The following GAREM1 variants were observed in gnomAD, a reference collection of about 807,000 sequenced individuals.
The protein encoded by GAREM1 is GRB2 associated regulator of MAPK1 subtype 1.
GAREM1 carries 26 observed loss-of-function variants against 71.3 expected under a neutral mutation model. That is an observed-to-expected ratio of 0.36 (90% CI 0.27 to 0.51). The LOEUF is 0.51. Ranked by LOEUF, GAREM1 falls within the 20% of genes least tolerant of loss-of-function variation. The pLI is 0.95. For synonymous variants in GAREM1, 440 were observed against 433.2 expected, an observed-to-expected ratio of 1.02 and a Z score of -0.20; for missense variants, 1,026 against 1,103.1, an observed-to-expected ratio of 0.93 and a Z score of 0.99.
At chr18:32,381,293 C>A (rs893181135) in intron 2 of GAREM1, among the ~76,000 whole-genome samples, 7 of 148,788 alleles carry the variant, frequency 4.7e-5, no homozygotes, top group African/African-American at 1.8e-4. Flanking sequence ...CAAAAGATAA[C>A]AAAGAGGTTT....
At chr18:32,433,456 AAAG>A (rs2048643785) in intron 1 of GAREM1, among the ~76,000 whole-genome samples, 1 of 151,832 alleles carries the variant, frequency 6.6e-6, no homozygotes. Flanking sequence ...ACAAAAAAAA[AAAG>A]AAATTAAAAA....
At chr18:32,463,087 CA>C (rs35362243) in intron 1 of GAREM1, among the ~76,000 whole-genome samples, 54,122 of 148,036 alleles carry the variant, frequency 0.37, 10,000 homozygotes, top group African/African-American at 0.44. Context: ...GTTCCCACTA[CA>C]AAAAAAAAAG....
intron 1 of GAREM1, among the ~76,000 whole-genome samples, chr18:32,463,721 C>T (rs2048973390): frequency 6.6e-6 from 1 of 151,796 alleles, no homozygotes; most frequent in Non-Finnish European, 1.5e-5. Flanking sequence ...AGGCACATGC[C>T]ACCACACCCA....
rs1055499679 is a variant in GAREM1 at position 32,350,681 on chromosome 18, G to A, written c.263-40358C>T. Reference sequence around the variant, plus strand: ...TGCCAAGTAAACTCTTGAAGGTTACGAATCACTTTAAAATTCTTAAAGTGT... The same window carrying A: ...TGCCAAGTAAACTCTTGAAGGTTACAAATCACTTTAAAATTCTTAAAGTGT... On this transcript the variant is annotated intron_variant, in intron 2 of 5. Coordinates refer to ENST00000269209, the MANE Select transcript of GAREM1 (RefSeq NM_001242409.2). 6.6e-5 allele frequency among the ~76,000 whole-genome samples: 10 copies of A among 152,220 alleles called. No individual in the cohort carries two copies. In the South Asian group the frequency reaches 1.2e-3, roughly 19 times the overall value.
intron 1 of GAREM1, among the ~76,000 whole-genome samples, chr18:32,460,378 A>T (rs768552189): frequency 2.0e-5 from 3 of 152,256 alleles, no homozygotes; most frequent in Non-Finnish European, 4.4e-5. Flanking sequence ...GGTATTTATT[A>T]AACAACCATA....
chr18:32,318,220 A>G (rs1334690542), intron 2 of GAREM1, among the ~76,000 whole-genome samples: 1 of 152,212 alleles, frequency 6.6e-6, no homozygotes, highest in Non-Finnish European at 1.5e-5. Flanking sequence ...TGGAAGCTAT[A>G]TTTCATGATG....
At chr18:32,270,899 T>TTTG (rs1280457769) in intron 4 of GAREM1, among the ~76,000 whole-genome samples, 1 of 78,304 alleles carries the variant, frequency 1.3e-5, no homozygotes, top group Non-Finnish European at 2.5e-5. Flanking sequence ...TCAGGGATGT[T>TTTG]TTTTTTTTTT....
At chr18:32,270,171 T>TG in intron 5 of GAREM1, 46 bp downstream of exon 5, 2 of 1,595,286 alleles carry the variant, frequency 1.3e-6, no homozygotes, top group Non-Finnish European at 1.7e-6. Context: ...CATGAACTGG[T>TG]GGATGAGAAG....
chr18:32,343,481 G>A (rs1233713965), intron 2 of GAREM1, among the ~76,000 whole-genome samples: 1 of 151,672 alleles, frequency 6.6e-6, no homozygotes, highest in Admixed American at 6.6e-5. Context: ...TTGTATCTGT[G>A]GTAGAGACTG....
intron 1 of GAREM1, among the ~76,000 whole-genome samples, chr18:32,416,504 G>A (rs933053704): frequency 6.6e-6 from 1 of 152,054 alleles, no homozygotes; most frequent in African/African-American, 2.4e-5. Context: ...AAAACAGCAT[G>A]GTACTGGCAT....
chr18:32,437,029 G>T (rs1457898482), intron 1 of GAREM1, among the ~76,000 whole-genome samples: 1 of 152,060 alleles, frequency 6.6e-6, no homozygotes, highest in Non-Finnish European at 1.5e-5. Context: ...TTTAACACAG[G>T]TAGAGAGAAA....
At chr18:32,324,575 A>G (rs2047457986) in intron 2 of GAREM1, among the ~76,000 whole-genome samples, 2 of 152,248 alleles carry the variant, frequency 1.3e-5, no homozygotes, top group African/African-American at 4.8e-5. Context: ...TGGAGTATAG[A>G]GCACACACAG....
intron 2 of GAREM1, among the ~76,000 whole-genome samples, chr18:32,361,528 A>C (rs1331748004): frequency 6.6e-6 from 1 of 152,228 alleles, no homozygotes; most frequent in African/African-American, 2.4e-5. Flanking sequence ...CATCTGGTGC[A>C]GAGGCGAACT....
Position 32,452,853 on chromosome 18 carries a change from G to GTTTT in GAREM1, c.121+17451_121+17454dup, listed in dbSNP as rs34771430. On this transcript the variant is annotated intron_variant, in intron 1 of 5. Coordinates refer to ENST00000269209, the MANE Select transcript of GAREM1 (RefSeq NM_001242409.2). ...GGGGTTTTATACTTATAACTTCTAC[G>GTTTT]TTTTTTTTTTTTTAAGAAACTTGGC... Among the ~76,000 whole-genome samples, 4 of 147,272 alleles carry GTTTT rather than the reference G, an allele frequency of 2.7e-5. No individual in the cohort carries two copies. In the East Asian group the frequency reaches 8.0e-4, roughly 29 times the overall value.
chr18:32,298,610 G>A (rs1478156721), intron 3 of GAREM1, among the ~76,000 whole-genome samples: 2 of 152,114 alleles, frequency 1.3e-5, no homozygotes, highest in African/African-American at 4.8e-5. Flanking sequence ...CCATGGTCAA[G>A]AAACATTTTG....
chr18:32,364,482 G>A (rs2047909890), intron 2 of GAREM1, among the ~76,000 whole-genome samples: 1 of 151,974 alleles, frequency 6.6e-6, no homozygotes, highest in African/African-American at 2.4e-5. Flanking sequence ...GAAACAATAA[G>A]TATGGTAGAC....
At position 32,364,009 on chromosome 18, in the gene GAREM1, TATATA is replaced by T. The variant is rs1567980605; in HGVS notation, c.262+28881_262+28885del. Among the ~76,000 whole-genome samples the T allele has an allele frequency of 1.0e-3, 53 of 50,530 alleles. 2 individuals carry two copies. The highest frequency in any genetic ancestry group is 4.9e-3 in the African/African-American group (47 of 9,526). The allele number at this position is 50,530 out of a possible 152,430, so 33.1% of individuals were successfully genotyped here. A position where few individuals can be genotyped will look rare whatever the true frequency, so the allele number is the denominator to read the frequency against. On this transcript the variant is annotated intron_variant, in intron 2 of 5. Coordinates refer to ENST00000269209, the MANE Select transcript of GAREM1 (RefSeq NM_001242409.2). ...ATACATATATACATATATATATATATATATATATATATATATATGTTTTTTTTTTT... is the reference window on the plus strand; with the variant it reads ...ATACATATATACATATATATATATATTATATATATATATGTTTTTTTTTTT...
chr18:32,400,140 A>G (rs1363061747), intron 1 of GAREM1, among the ~76,000 whole-genome samples: 6 of 152,208 alleles, frequency 3.9e-5, no homozygotes, highest in Non-Finnish European at 8.8e-5. Context: ...CTGAAACTGG[A>G]TCTCTTCCTT....
intron 1 of GAREM1, among the ~76,000 whole-genome samples, chr18:32,459,968 TA>T (rs1336699847): frequency 6.6e-6 from 1 of 152,178 alleles, no homozygotes; most frequent in Non-Finnish European, 1.5e-5. Flanking sequence ...TACCTAACAG[TA>T]ACAGATATGT....
Sources: gnomAD v4.1 joint callset for allele counts (sites outside exome capture counted in the v4.1 genomes callset) on GRCh38, gnomAD v4.1.1 for gene constraint, MANE v1.5 for transcripts, NCBI Gene and HGNC (gene_info 2026-07-23, HGNC 2026-07-21) for gene names.